The following DRAP1 variants were observed in gnomAD, a reference collection of about 807,000 sequenced individuals.
DRAP1 encodes the protein DR1 associated protein 1.
In DRAP1, 10 loss-of-function variants were observed where a neutral mutation model predicts 24.1. The observed-to-expected ratio is 0.41, with a 90% CI of 0.26 to 0.70. The LOEUF is 0.70. DRAP1 is among the 30% of genes least tolerant of loss of function. The pLI is 0.29. For missense variants in DRAP1, 264 were observed against 275.6 expected, an observed-to-expected ratio of 0.96 and a Z score of 0.30; for synonymous variants, 122 against 113.8, an observed-to-expected ratio of 1.07 and a Z score of -0.46.
At chr11:65,919,886 G>C (rs369175650) in intron 2 of DRAP1, 34 bp downstream of exon 2, 757 of 1,613,224 alleles carry the variant, frequency 4.7e-4, no homozygotes, top group Non-Finnish European at 6.0e-4. Flanking sequence ...GTCGAGGGGC[G>C]TGGGGGAGGG....
rs1351391261 is a variant in DRAP1 at position 65,920,995 on chromosome 11, A to C, written c.512+23A>C. 3 of 1,577,922 alleles carry C rather than the reference A, an allele frequency of 1.9e-6. No individual in the cohort carries two copies. In the Admixed American group the frequency reaches 5.5e-5, roughly 29 times the overall value. On this transcript the variant is annotated intron_variant, in intron 6 of 6. Transcript: ENST00000312515. The stretch of plus-strand genomic sequence containing the variant: ...GAGGTGAGCAGCCCAGAGGCATGGG[A>C]GGGTGCTGGCAGACTCCCCAGAGCC...
rs77882962 is a variant in DRAP1, at chr11:65,921,154, A to G, written c.513-176A>G. 8.0e-3 allele frequency: 5,260 copies of G among 659,924 alleles called. 186 individuals are homozygous for G. The highest frequency in any genetic ancestry group is 0.079 in the African/African-American group (4,308 of 54,268). 40.9% of individuals were successfully genotyped at this position (659,924 alleles called of 1,614,324 possible). ...CCGAAAGATCCTGCTCCACCCTGCC[A>G]GGGCCCGTGGGTGGGGCCTGGGCCT... On this transcript the variant is annotated intron_variant, in intron 6 of 6. Transcript: ENST00000312515.
intron 4 of DRAP1, 27 bp from the exon 5 acceptor site, chr11:65,920,542 G>A (rs1854535274): frequency 1.2e-6 from 2 of 1,606,804 alleles, no homozygotes; most frequent in Non-Finnish European, 1.7e-6. Flanking sequence ...GGAGCACTCC[G>A]GGCAGATGGA....
At chr11:65,920,111 G>A (rs939497503) in intron 3 of DRAP1, 70 bp downstream of exon 3, 2 of 1,561,130 alleles carry the variant, frequency 1.3e-6, no homozygotes, top group East Asian at 2.4e-5. Context: ...GGAAGGCAGA[G>A]CCTGGGTGGC....
Position 65,920,656 on chromosome 11 carries a change from G to C in DRAP1, c.417G>C (p.Glu139Asp). 6.7e-7 allele frequency: 1 copy of C among 1,488,588 alleles called. No homozygotes were observed. Among genetic ancestry groups the C allele is most frequent in the African/African-American group, 1.4e-5 (1 of 71,416 alleles). 92.2% of individuals were successfully genotyped at this position (1,488,588 alleles called of 1,614,324 possible). The change falls in exon 5 of 7, where the codon GAG (glutamate) becomes GAC (aspartate). Residue 139 changes from glutamate to aspartate, a missense_variant. Coordinates refer to ENST00000312515, the MANE Select transcript of DRAP1 (RefSeq NM_006442.4). Reference protein sequence around the residue: ...KDKKLSGTDSEQEDESEDTDT... With the variant: ...KDKKLSGTDSDQEDESEDTDT... ...AGAAGCTGTCCGGGACAGACTCGGA[G>C]CAGGAGGTGAGTGAGGCCCCAGCCC... is the stretch of plus-strand genomic sequence containing the variant.
rs781484858 is a variant in DRAP1, at chr11:65,921,477, T to C, written c.*42T>C. 5 of 1,011,158 alleles carry C rather than the reference T, an allele frequency of 4.9e-6. No individual in the cohort carries two copies. In the South Asian group the frequency reaches 6.8e-5, roughly 14 times the overall value. The allele number at this position is 1,011,158 out of a possible 1,614,324, so 62.6% of individuals were successfully genotyped here. A position where few individuals can be genotyped will look rare whatever the true frequency, so the allele number is the denominator to read the frequency against. On this transcript the variant is annotated 3_prime_UTR_variant, in exon 7 of 7. Transcript: ENST00000312515. ...GACCATAGCCCCTTTTAGTTGGTTT[T>C]AGTTGCTCTGGGGGGAGGAGAGAAG...
chr11:65,921,129 C>T (rs1854545372), intron 6 of DRAP1, 157 bp downstream of exon 6: 3 of 687,436 alleles, frequency 4.4e-6, no homozygotes, highest in Non-Finnish European at 7.2e-6. Context: ...GACTGTTCTC[C>T]CGAAAGATCC....
Position 65,921,316 on chromosome 11 carries a change from C to T in DRAP1, c.513-14C>T, listed in dbSNP as rs1854547460. On this transcript the variant is annotated splice_polypyrimidine_tract_variant and intron_variant, in intron 6 of 6. Transcript: ENST00000312515. ...GGGCTCAGGCCTGACTCTCTCCTGC[C>T]TTCTGCCCTGCAGCCCCCCGACACC... 6.4e-7 allele frequency: 1 copy of T among 1,553,346 alleles called. No individual in the cohort carries two copies. The highest frequency in any genetic ancestry group is 8.9e-7 in the Non-Finnish European group (1 of 1,126,700).
chr11:65,921,052 G>C, intron 6 of DRAP1, 80 bp downstream of exon 6: 1 of 1,124,582 alleles, frequency 8.9e-7, no homozygotes, highest in Admixed American at 2.8e-5. Flanking sequence ...CTGGCCCCTT[G>C]GTCTTGTTGA....
chr11:65,920,103 A>G (rs2134833576), intron 3 of DRAP1, 62 bp downstream of exon 3: 1 of 1,576,132 alleles, frequency 6.3e-7, no homozygotes, highest in Non-Finnish European at 8.6e-7. Context: ...CACACTGAGG[A>G]AGGCAGAGCC....
rs749052575 is a variant in DRAP1, at chr11:65,919,762, C to T, written c.43-18C>T. On this transcript the variant is annotated intron_variant, in intron 1 of 6. Transcript: ENST00000312515. ...GGACGGTGGCGACGGGGTCTGAACTCTGCTCCCCCACCCGCAGGCGCGGAT... is the reference window on the plus strand; with the variant it reads ...GGACGGTGGCGACGGGGTCTGAACTTTGCTCCCCCACCCGCAGGCGCGGAT... The T allele has an allele frequency of 1.9e-6, 3 of 1,612,804 alleles. No individual in the cohort carries two copies. The highest frequency in any genetic ancestry group is 2.5e-6 in the Non-Finnish European group (3 of 1,179,940).
At position 65,921,460 on chromosome 11, in the gene DRAP1, C is replaced by T. The variant is rs758013349; in HGVS notation, c.*25C>T. The T allele has an allele frequency of 3.1e-6, 4 of 1,285,028 alleles. No homozygotes were observed. Among genetic ancestry groups the T allele is most frequent in the East Asian group, 2.4e-5 (1 of 42,510 alleles). The allele number at this position is 1,285,028 out of a possible 1,614,324, so 79.6% of individuals were successfully genotyped here. A position where few individuals can be genotyped will look rare whatever the true frequency, so the allele number is the denominator to read the frequency against. ...GCGCCTTCTGCCCCCCAGACCATAG[C>T]CCCTTTTAGTTGGTTTTAGTTGCTC... On this transcript the variant is annotated 3_prime_UTR_variant, in exon 7 of 7. Coordinates refer to ENST00000312515, the MANE Select transcript of DRAP1 (RefSeq NM_006442.4).
chr11:65,921,319 C>A lies in DRAP1; in HGVS notation c.513-11C>A. The A allele has an allele frequency of 6.4e-7, 1 of 1,564,262 alleles. No homozygotes were observed. The highest frequency in any genetic ancestry group is 8.8e-7 in the Non-Finnish European group (1 of 1,136,442). ...CTCAGGCCTGACTCTCTCCTGCCTT[C>A]TGCCCTGCAGCCCCCCGACACCCTT... On this transcript the variant is annotated splice_polypyrimidine_tract_variant and intron_variant, in intron 6 of 6. Transcript: ENST00000312515.
chr11:65,920,094 A>G (rs559763264), intron 3 of DRAP1, 53 bp downstream of exon 3: 67 of 1,586,982 alleles, frequency 4.2e-5, no homozygotes, highest in Non-Finnish European at 5.3e-5. Context: ...GGGAGTTCAC[A>G]CACTGAGGAA....
chr11:65,920,115 G>T, intron 3 of DRAP1, 74 bp downstream of exon 3: 1 of 1,551,444 alleles, frequency 6.4e-7, no homozygotes. Context: ...GGCAGAGCCT[G>T]GGTGGCGAGG....
Position 65,921,539 on chromosome 11 carries a change from A to C in DRAP1, c.*104A>C. The C allele has an allele frequency of 1.8e-6, 1 of 563,280 alleles. No homozygotes were observed. Among genetic ancestry groups the C allele is most frequent in the Non-Finnish European group, 3.1e-6 (1 of 317,730 alleles). 34.9% of individuals were successfully genotyped at this position (563,280 alleles called of 1,614,324 possible). On this transcript the variant is annotated 3_prime_UTR_variant, in exon 7 of 7. Transcript: ENST00000312515. ...CTTAAATTTATTAAAAAAAAAAATA[A>C]AAGGGAATCTCAGTGTCTGTTCCAG...
rs781734189 is a variant in DRAP1 at position 65,921,415 on chromosome 11, G to A, written c.598G>A (p.Glu200Lys). 45 of 1,608,920 alleles carry A rather than the reference G, an allele frequency of 2.8e-5. No individual in the cohort carries two copies. Among genetic ancestry groups the A allele is most frequent in the South Asian group, 9.9e-5 (9 of 90,956 alleles). The change falls in exon 7 of 7, where the codon GAA becomes AAA. Residue 200 changes from glutamate to lysine, a missense_variant. Around this residue, in one of 2 missense-constraint regions of DRAP1, gnomAD observed 243 missense variants for 233.6 expected, o/e 1.04. Transcript: ENST00000312515. Reference sequence around the variant, plus strand: ...CCCCTCAGCACCTGATGAAGAGGACGAAGAAGATTACGACTCCTAGCGCCT... The same window carrying A: ...CCCCTCAGCACCTGATGAAGAGGACAAAGAAGATTACGACTCCTAGCGCCT... ...PGPSAPDEED[E>K]EDYDS
intron 5 of DRAP1, 47 bp downstream of exon 5, chr11:65,920,709 G>A (rs1290810619): frequency 6.8e-7 from 1 of 1,460,468 alleles, no homozygotes; most frequent in South Asian, 1.4e-5. Context: ...GATGGGACAG[G>A]CAGCCTCGCC....
chr11:65,919,447 G>T lies in DRAP1; in HGVS notation c.-55G>T, dbSNP rs1425374385. On this transcript the variant is annotated 5_prime_UTR_variant, in exon 1 of 7. Transcript: ENST00000312515. Reference sequence around the variant, plus strand: ...GGGCGGGCGGCGAGCAGGCCCGGGAGCCGGGAGGCTGCGGGCGGCGGCGCT... The same window carrying T: ...GGGCGGGCGGCGAGCAGGCCCGGGATCCGGGAGGCTGCGGGCGGCGGCGCT... The T allele has an allele frequency of 6.6e-7, 1 of 1,509,872 alleles. No homozygotes were observed. The highest frequency in any genetic ancestry group is 8.8e-7 in the Non-Finnish European group (1 of 1,130,230). The allele number at this position is 1,509,872 out of a possible 1,614,324, so 93.5% of individuals were successfully genotyped here.
Sources: gnomAD v4.1 joint callset for allele counts on GRCh38, gnomAD v4.1.1 for gene constraint, gnomAD v4.1.1 regional missense constraint, MANE v1.5 for transcripts, NCBI Gene and HGNC (gene_info 2026-07-23, HGNC 2026-07-21) for gene names.